The following GPHN variants were observed in gnomAD, a reference collection of about 807,000 sequenced individuals.
GPHN encodes the protein gephyrin.
In GPHN, 17 loss-of-function variants were observed where a neutral mutation model predicts 95.5. The observed-to-expected ratio is 0.18, with a 90% CI of 0.12 to 0.27. The LOEUF (loss-of-function observed/expected upper bound fraction) is 0.27, where lower values mean the gene tolerates loss of function less well. GPHN is among the 10% of genes least tolerant of loss of function. GPHN has a pLI of 1.00. For missense variants in GPHN, 660 were observed against 978.1 expected (o/e 0.67, Z 4.34); for synonymous variants, 320 against 322.5 (o/e 0.99, Z 0.08).
chr14:67,160,540 GA>G (rs2081913395), intron 19 of GPHN, among the ~76,000 whole-genome samples: 1 of 152,154 alleles, frequency 6.6e-6, no homozygotes, highest in Non-Finnish European at 1.5e-5. Context: ...ATTAGTGAAA[GA>G]TATGGCCATA....
the GPHN span, among the ~76,000 whole-genome samples, chr14:67,252,665 C>T: frequency 6.6e-6 from 1 of 151,994 alleles, no homozygotes; most frequent in Non-Finnish European, 1.5e-5. Flanking sequence ...AGTCGGTGTC[C>T]AGAGAATTGG....
At chr14:66,529,726 C>G (rs1189669434) in intron 1 of GPHN, among the ~76,000 whole-genome samples, 1 of 152,184 alleles carries the variant, frequency 6.6e-6, no homozygotes, top group Non-Finnish European at 1.5e-5. Flanking sequence ...TCAGGCCTCT[C>G]TGCTGAAGGT....
rs1297247821 is a variant in GPHN, at chr14:66,660,106, GT to G, written c.65-21000del. ...GTTTATTGGTTACTCTAGTGTATGTGTGTGTGTGTGTATAAAATTTTATCAA... is the reference window on the plus strand; with the variant it reads ...GTTTATTGGTTACTCTAGTGTATGTGGTGTGTGTGTATAAAATTTTATCAA... On this transcript the variant is annotated intron_variant, in intron 1 of 22. Coordinates refer to ENST00000478722, the MANE Select transcript of GPHN (RefSeq NM_020806.5). Among the ~76,000 whole-genome samples, 23 of 152,046 alleles carry G rather than the reference GT, an allele frequency of 1.5e-4. 1 individual carries two copies. In the East Asian group the frequency reaches 4.4e-3, roughly 29 times the overall value.
chr14:67,225,987 G>A, the GPHN span, among the ~76,000 whole-genome samples: 8 of 150,708 alleles, frequency 5.3e-5, no homozygotes, highest in South Asian at 2.1e-4. Flanking sequence ...GCGCATGCGC[G>A]TGCATGCTCA....
At chr14:67,731,457 C>T in the GPHN span, among the ~76,000 whole-genome samples, 95 of 151,942 alleles carry the variant, frequency 6.3e-4, no homozygotes, top group African/African-American at 2.2e-3. Flanking sequence ...TCAAGTGATC[C>T]GCCCACCTCA....
chr14:66,903,837 G>A (rs566382815), intron 5 of GPHN, among the ~76,000 whole-genome samples: 18 of 151,888 alleles, frequency 1.2e-4, no homozygotes, highest in South Asian at 1.0e-3. Context: ...TTACCATGAC[G>A]CTTATAAAAA....
chr14:67,542,537 A>G, the GPHN span, among the ~76,000 whole-genome samples: 33 of 152,176 alleles, frequency 2.2e-4, no homozygotes, highest in South Asian at 6.4e-3. Flanking sequence ...TTATTTTGAG[A>G]ATTATATCAG....
intron 8 of GPHN, among the ~76,000 whole-genome samples, chr14:66,936,727 A>G (rs1247430856): frequency 1.3e-5 from 2 of 152,244 alleles, no homozygotes; most frequent in East Asian, 1.9e-4. Context: ...TGTTACACCA[A>G]TTCAAACAAG....
intron 2 of GPHN, among the ~76,000 whole-genome samples, chr14:66,725,626 G>C (rs1200309416): frequency 1.3e-5 from 2 of 152,136 alleles, no homozygotes; most frequent in Non-Finnish European, 2.9e-5. Flanking sequence ...TGGGATTACA[G>C]GTGCACGCCA....
At chr14:67,675,398 C>G in the GPHN span, among the ~76,000 whole-genome samples, 1 of 151,758 alleles carries the variant, frequency 6.6e-6, no homozygotes, top group African/African-American at 2.4e-5. Flanking sequence ...CAGCTACCCC[C>G]GGAGGCTGAG....
At chr14:66,671,394 C>T (rs375518044) in intron 1 of GPHN, among the ~76,000 whole-genome samples, 2 of 152,120 alleles carry the variant, frequency 1.3e-5, no homozygotes, top group African/African-American at 4.8e-5. Flanking sequence ...GAAAATTTAT[C>T]TGCTGCCCGT....
chr14:67,204,553 T>C, the GPHN span: 1 of 1,613,190 alleles, frequency 6.2e-7, no homozygotes, highest in Non-Finnish European at 8.5e-7. Context: ...CCCTCTGCAG[T>C]TTGTGACTCT....
chr14:67,571,581 A>C, the GPHN span: 1 of 595,040 alleles, frequency 1.7e-6, no homozygotes, highest in Non-Finnish European at 3.0e-6. Context: ...CATGGAGGTC[A>C]TGACACAGGA....
At chr14:67,644,152 G>A in the GPHN span, among the ~76,000 whole-genome samples, 1 of 152,166 alleles carries the variant, frequency 6.6e-6, no homozygotes, top group Non-Finnish European at 1.5e-5. Flanking sequence ...TTAAAGCTTA[G>A]GCAATCTGAA....
At chr14:67,338,991 CCTTT>C in the GPHN span, among the ~76,000 whole-genome samples, 1 of 147,392 alleles carries the variant, frequency 6.8e-6, no homozygotes, top group Non-Finnish European at 1.5e-5. Flanking sequence ...GAGACAGAAG[CCTTT>C]TTTTTTTTTT....
intron 10 of GPHN, among the ~76,000 whole-genome samples, chr14:67,054,479 C>T (rs1404823487): frequency 2.0e-5 from 3 of 152,114 alleles, no homozygotes; most frequent in African/African-American, 2.4e-5. Flanking sequence ...AAACATTCCA[C>T]GCTCATGGAT....
chr14:67,677,363 A>ATTTTTTTT, the GPHN span: 26 of 31,978 alleles, frequency 8.1e-4, 4 homozygotes, highest in African/African-American at 1.5e-3. Flanking sequence ...TGTTTTTAGG[A>ATTTTTTTT]TTTTTTTTTT....
chr14:67,037,625 A>T (rs1208072013), intron 10 of GPHN, among the ~76,000 whole-genome samples: 22 of 152,036 alleles, frequency 1.4e-4, no homozygotes, highest in Admixed American at 1.4e-3. Flanking sequence ...ATCCCAATTT[A>T]AAAATGGGGA....
chr14:67,410,476 C>T, the GPHN span, among the ~76,000 whole-genome samples: 1 of 151,966 alleles, frequency 6.6e-6, no homozygotes, highest in Non-Finnish European at 1.5e-5. Flanking sequence ...CCACATGCTG[C>T]GAGAAACCGG....
Sources: gnomAD v4.1 joint callset for allele counts (sites outside exome capture counted in the v4.1 genomes callset) on GRCh38, gnomAD v4.1.1 for gene constraint, MANE v1.5 for transcripts, NCBI Gene and HGNC (gene_info 2026-07-23, HGNC 2026-07-21) for gene names.